Variants in ADCY2 observed in about 807,000 individuals in gnomAD.
The protein encoded by ADCY2 is adenylate cyclase type 2.
A neutral mutation model predicts 125.2 loss-of-function variants in ADCY2; 31 were observed. The observed-to-expected ratio is 0.25, with a 90% CI of 0.19 to 0.33. ADCY2 has a LOEUF of 0.33. Ranked by LOEUF, ADCY2 falls within the 10% of genes least tolerant of loss-of-function variation. ADCY2 has a pLI of 1.00. For missense variants in ADCY2, 904 were observed against 1,418.2 expected (o/e 0.64, Z 5.82); for synonymous variants, 512 against 548.4 (o/e 0.93, Z 0.93).
At chr5:7,732,409 G>A (rs2126411057) in intron 14 of ADCY2, among the ~76,000 whole-genome samples, 1 of 152,282 alleles carries the variant, frequency 6.6e-6, no homozygotes, top group East Asian at 1.9e-4. Flanking sequence ...ATGCCTGGGA[G>A]CATCACCTTC....
At chr5:7,819,621 C>T (rs1031508356) in intron 23 of ADCY2, among the ~76,000 whole-genome samples, 7 of 152,206 alleles carry the variant, frequency 4.6e-5, no homozygotes, top group African/African-American at 1.4e-4. Flanking sequence ...CTGAACTCAA[C>T]GTTTCACTTG....
At chr5:7,806,345 G>C (rs1744762039) in intron 22 of ADCY2, among the ~76,000 whole-genome samples, 1 of 151,990 alleles carries the variant, frequency 6.6e-6, no homozygotes, top group African/African-American at 2.4e-5. Context: ...CATGTATAGA[G>C]ACAGGCATTT....
chr5:7,639,021 T>G (rs1047606682), intron 4 of ADCY2, among the ~76,000 whole-genome samples: 1 of 152,142 alleles, frequency 6.6e-6, no homozygotes, highest in Non-Finnish European at 1.5e-5. Context: ...GATTTGCTTC[T>G]CCTTGCTTTC....
chr5:7,736,210 A>G (rs1482578393), intron 14 of ADCY2, among the ~76,000 whole-genome samples: 1 of 151,954 alleles, frequency 6.6e-6, no homozygotes, highest in African/African-American at 2.4e-5. Flanking sequence ...ACAGAGCAAG[A>G]CTCTGTCTCA....
intron 2 of ADCY2, among the ~76,000 whole-genome samples, chr5:7,504,443 T>G (rs557266209): frequency 6.6e-6 from 1 of 152,210 alleles, no homozygotes; most frequent in Non-Finnish European, 1.5e-5. Context: ...CTCTAGTTAA[T>G]GTTGGACTCT....
At chr5:7,652,670 G>A (rs1023985302) in intron 4 of ADCY2, among the ~76,000 whole-genome samples, 1 of 152,236 alleles carries the variant, frequency 6.6e-6, no homozygotes, top group African/African-American at 2.4e-5. Flanking sequence ...GCTCAAAGAT[G>A]TTGAGTGTAT....
chr5:7,477,348 G>A (rs1191590617), intron 2 of ADCY2, among the ~76,000 whole-genome samples: 1 of 152,128 alleles, frequency 6.6e-6, no homozygotes, highest in Non-Finnish European at 1.5e-5. Context: ...TTAGAGTATT[G>A]TCTGCATATT....
chr5:7,543,548 T>A (rs898211303), intron 3 of ADCY2, among the ~76,000 whole-genome samples: 2 of 152,138 alleles, frequency 1.3e-5, no homozygotes, highest in African/African-American at 4.8e-5. Flanking sequence ...AGTTAGTGAG[T>A]CCCTTCACAC....
chr5:7,584,302 A>G (rs1434841926), intron 3 of ADCY2, among the ~76,000 whole-genome samples: 1 of 152,144 alleles, frequency 6.6e-6, no homozygotes, highest in Non-Finnish European at 1.5e-5. Flanking sequence ...TCGGAAAAAA[A>G]TAAGTTTTAA....
intron 14 of ADCY2, among the ~76,000 whole-genome samples, chr5:7,727,508 C>A (rs1741968445): frequency 6.6e-6 from 1 of 152,068 alleles, no homozygotes; most frequent in South Asian, 2.1e-4. Flanking sequence ...AACAATTTAA[C>A]CTTCTTGTTT....
In ADCY2 at chr5:7,562,475, T is replaced by C. The variant is rs374119725; in HGVS notation, c.570+41576T>C. ...TTTTATTTACCATGACAACTCATTG[T>C]TTAGGGCCATTGTTGTACAAAATGA... On this transcript the variant is annotated intron_variant, in intron 3 of 24. Transcript: ENST00000338316. Among the ~76,000 whole-genome samples the C allele has an allele frequency of 3.0e-3, 454 of 152,258 alleles. 1 individual carries two copies. The highest frequency in any genetic ancestry group is 0.01 in the African/African-American group (429 of 41,564).
In ADCY2 at chr5:7,548,250, G is replaced by GA. The variant is rs749629717; in HGVS notation, c.570+27357dup. ...TTAATTTTTGTCTTCAGTATAAAAA[G>GA]AAAAAATAGCATTATCTACTTAAAG... On this transcript the variant is annotated intron_variant, in intron 3 of 24. Transcript: ENST00000338316. Among the ~76,000 whole-genome samples the GA allele has an allele frequency of 7.9e-5, 12 of 151,890 alleles. No individual in the cohort carries two copies. In the East Asian group the frequency reaches 2.3e-3, roughly 29 times the overall value.
chr5:7,714,963 C>T (rs1271680230), intron 11 of ADCY2, among the ~76,000 whole-genome samples: 1 of 152,282 alleles, frequency 6.6e-6, no homozygotes, highest in African/African-American at 2.4e-5. Context: ...GTGTTGGACA[C>T]AGGGGTTGGG....
chr5:7,550,389 G>A lies in ADCY2; in HGVS notation c.570+29490G>A, dbSNP rs111579953. Among the ~76,000 whole-genome samples the A allele has an allele frequency of 7.9e-3, 1,203 of 152,282 alleles. 11 individuals are homozygous for A. Among genetic ancestry groups the A allele is most frequent in the African/African-American group, 0.027 (1,135 of 41,550 alleles). ...AAGAAGAAGTATGAGTCTGGAATGA[G>A]CATCACTGTGGAAAATGAGACTTTG... On this transcript the variant is annotated intron_variant, in intron 3 of 24. Transcript: ENST00000338316.
intron 4 of ADCY2, among the ~76,000 whole-genome samples, chr5:7,683,982 G>C (rs1740427348): frequency 6.6e-6 from 1 of 152,242 alleles, no homozygotes; most frequent in African/African-American, 2.4e-5. Context: ...ACCTTATGTT[G>C]AGGGTTTTTG....
At chr5:7,765,041 T>C (rs1743337791) in intron 16 of ADCY2, among the ~76,000 whole-genome samples, 1 of 152,186 alleles carries the variant, frequency 6.6e-6, no homozygotes, top group African/African-American at 2.4e-5. Flanking sequence ...AGTTTTCTCT[T>C]GTACTTTAAG....
At chr5:7,617,856 C>T (rs1421010237) in intron 3 of ADCY2, among the ~76,000 whole-genome samples, 1 of 152,184 alleles carries the variant, frequency 6.6e-6, no homozygotes, top group South Asian at 2.1e-4. Context: ...AGTGGCCAGG[C>T]ATGCTCTTTC....
chr5:7,635,568 T>G (rs908175229), intron 4 of ADCY2, among the ~76,000 whole-genome samples: 1 of 152,210 alleles, frequency 6.6e-6, no homozygotes, highest in Admixed American at 6.5e-5. Context: ...CAGATTTGAG[T>G]TTTTAACAGC....
intron 3 of ADCY2, among the ~76,000 whole-genome samples, chr5:7,586,762 C>T (rs150180600): frequency 5.9e-5 from 9 of 152,012 alleles, no homozygotes; most frequent in Non-Finnish European, 8.8e-5. Context: ...GATAGGTGAG[C>T]GTTGGGGAGT....
Sources: allele counts gnomAD v4.1 joint callset (sites outside exome capture counted in the v4.1 genomes callset), GRCh38; gene constraint gnomAD v4.1.1; transcripts MANE v1.5; gene names NCBI Gene and HGNC (gene_info 2026-07-23, HGNC 2026-07-21).